Variants in ZNF717 observed in about 807,000 individuals in gnomAD.
The protein encoded by ZNF717 is zinc finger protein 717.
ZNF717 carries 9 observed loss-of-function variants against 13.8 expected under a neutral mutation model. That is an observed-to-expected ratio of 0.65 (90% CI 0.39 to 1.14). The LOEUF is 1.14. Among genes scored for constraint, ZNF717 ranks in the 50% most tolerant of loss-of-function variants. The pLI is 0.01. For synonymous variants in ZNF717, 327 were observed against 364.1 expected (o/e 0.90, Z 1.16); for missense variants, 1,040 against 1,080.7 (o/e 0.96, Z 0.53).
intron 4 of ZNF717, among the ~76,000 whole-genome samples, chr3:75,720,741 G>A (rs1938151920): frequency 6.6e-6 from 1 of 152,214 alleles, no homozygotes. Flanking sequence ...CCAGTGCTTT[G>A]AGAAGCCGAG....
At chr3:75,777,466 G>C (rs1415107683) in intron 2 of ZNF717, among the ~76,000 whole-genome samples, 1 of 152,000 alleles carries the variant, frequency 6.6e-6, no homozygotes, top group East Asian at 1.9e-4. Flanking sequence ...AACAATGGGA[G>C]TGATGTGCTA....
chr3:75,754,092 T>G (rs1429188227), intron 2 of ZNF717, among the ~76,000 whole-genome samples: 2 of 152,288 alleles, frequency 1.3e-5, no homozygotes, highest in Non-Finnish European at 2.9e-5. Flanking sequence ...TCTGAATGTT[T>G]GACCTTCACC....
chr3:75,725,032 C>T (rs1171432773), downstream of ZNF717, among the ~76,000 whole-genome samples: 1 of 152,150 alleles, frequency 6.6e-6, no homozygotes, highest in Admixed American at 6.5e-5. Flanking sequence ...GAAATATTTC[C>T]ATTTTCCATC....
At chr3:75,717,006 A>T (rs1017193112) in intron 4 of ZNF717, among the ~76,000 whole-genome samples, 11 of 152,352 alleles carry the variant, frequency 7.2e-5, no homozygotes, top group Non-Finnish European at 1.2e-4. Context: ...AGTTCAGCAC[A>T]CAATTGCAGA....
chr3:75,708,945 G>T (rs59514275), downstream of ZNF717, among the ~76,000 whole-genome samples: 1,070 of 152,132 alleles, frequency 7.0e-3, 18 homozygotes, highest in African/African-American at 0.025. Flanking sequence ...TACATGGTGA[G>T]AGCAGGGGCA....
downstream of ZNF717, among the ~76,000 whole-genome samples, chr3:75,734,377 C>T (rs1235919468): frequency 7.3e-5 from 11 of 149,720 alleles, no homozygotes; most frequent in South Asian, 1.1e-3. Context: ...CTTGAATCTA[C>T]ATTTTAAAAA....
chr3:75,706,808 C>A (rs1465447460), downstream of ZNF717, among the ~76,000 whole-genome samples: 574 of 145,548 alleles, frequency 3.9e-3, no homozygotes, highest in African/African-American at 0.016. Context: ...GGTATGGGAG[C>A]AGATGACTCT....
downstream of ZNF717, among the ~76,000 whole-genome samples, chr3:75,707,148 A>G (rs1937821174): frequency 6.6e-6 from 1 of 152,398 alleles, no homozygotes; most frequent in South Asian, 2.1e-4. Flanking sequence ...TGGGAAACAC[A>G]CTAAACACCT....
intron 2 of ZNF717, among the ~76,000 whole-genome samples, chr3:75,782,926 T>C (rs1156500472): frequency 1.3e-5 from 2 of 152,248 alleles, no homozygotes; most frequent in African/African-American, 4.8e-5. Context: ...AAGTATTTAC[T>C]GCCAGGCTGG....
chr3:75,712,208 C>A (rs1279379768), intron 5 of ZNF717, among the ~76,000 whole-genome samples: 1 of 150,910 alleles, frequency 6.6e-6, no homozygotes, highest in South Asian at 2.2e-4. Flanking sequence ...CATCCTCAAA[C>A]TAGGCAAATT....
At chr3:75,756,626 A>AT (rs765078229) in intron 2 of ZNF717, among the ~76,000 whole-genome samples, 1 of 151,358 alleles carries the variant, frequency 6.6e-6, no homozygotes, top group Admixed American at 6.6e-5. Context: ...TAGATAGAAG[A>AT]TTTAAAAAAA....
At chr3:75,724,836 T>C (rs1575724417) in intron 4 of ZNF717, among the ~76,000 whole-genome samples, 1 of 152,256 alleles carries the variant, frequency 6.6e-6, no homozygotes, top group Admixed American at 6.5e-5. Flanking sequence ...ATCTGTATTA[T>C]GATAGAAAGA....
chr3:75,699,370 G>A (rs1317816504), intron 6 of ZNF717, among the ~76,000 whole-genome samples: 1 of 152,256 alleles, frequency 6.6e-6, no homozygotes, highest in African/African-American at 2.4e-5. Context: ...GTTTGGGTGT[G>A]TGTTCCCACA....
intron 2 of ZNF717, among the ~76,000 whole-genome samples, chr3:75,746,317 T>A (rs1261185629): frequency 6.6e-6 from 1 of 152,220 alleles, no homozygotes; most frequent in Non-Finnish European, 1.5e-5. Context: ...GTCTTTGCTA[T>A]TGTGAGTAGC....
At chr3:75,765,539 T>C (rs1394943143) in intron 2 of ZNF717, among the ~76,000 whole-genome samples, 2 of 152,162 alleles carry the variant, frequency 1.3e-5, no homozygotes, top group Admixed American at 6.5e-5. Context: ...GCCTCCCGAA[T>C]AGTTGGGACT....
chr3:75,712,661 C>G (rs1182355220), intron 5 of ZNF717, among the ~76,000 whole-genome samples: 2 of 152,104 alleles, frequency 1.3e-5, no homozygotes, highest in East Asian at 1.9e-4. Context: ...AAATTTACCA[C>G]ACAAGATTCT....
At chr3:75,782,602 C>T (rs918806809) in intron 2 of ZNF717, among the ~76,000 whole-genome samples, 2 of 150,188 alleles carry the variant, frequency 1.3e-5, no homozygotes, top group Non-Finnish European at 3.0e-5. Flanking sequence ...CAGCAAGGAG[C>T]ATACCTTATG....
intron 4 of ZNF717, 121 bp downstream of exon 4, chr3:75,741,155 G>T: frequency 1.9e-6 from 1 of 513,814 alleles, no homozygotes. Context: ...CACATTTAAT[G>T]CAGACCAACA....
chr3:75,784,296 TG>T (rs1945016016), intron 1 of ZNF717, among the ~76,000 whole-genome samples: 1 of 152,240 alleles, frequency 6.6e-6, no homozygotes, highest in African/African-American at 2.4e-5. Context: ...AAATGGTGGT[TG>T]TTTTTTATAA....
Sources: allele counts gnomAD v4.1 joint callset (sites outside exome capture counted in the v4.1 genomes callset), GRCh38; gene constraint gnomAD v4.1.1; transcripts MANE v1.5; gene names NCBI Gene and HGNC (gene_info 2026-07-23, HGNC 2026-07-21).